The following WDR41 variants were observed in gnomAD, a reference collection of about 807,000 sequenced individuals.
The protein encoded by WDR41 is WD repeat-containing protein 41.
WDR41 carries 63 observed loss-of-function variants against 69.3 expected under a neutral mutation model. The ratio of observed to expected loss-of-function variants is 0.91; its 90% CI spans 0.74 to 1.12. The LOEUF is 1.12. Among genes scored for constraint, WDR41 ranks in the 50% most tolerant of loss-of-function variants. WDR41 has a pLI of 0.00. For synonymous variants in WDR41, 185 were observed against 192.1 expected (o/e 0.96, Z 0.31); for missense variants, 543 against 534.5 (o/e 1.02, Z -0.16).
intron 1 of WDR41, among the ~76,000 whole-genome samples, chr5:77,527,567 C>T (rs1402919296): frequency 6.6e-6 from 1 of 151,796 alleles, no homozygotes; most frequent in Non-Finnish European, 1.5e-5. Context: ...AATACACAGA[C>T]TATACAATTT....
intron 1 of WDR41, among the ~76,000 whole-genome samples, chr5:77,604,233 A>T (rs1180780100): frequency 6.6e-6 from 1 of 152,156 alleles, no homozygotes; most frequent in Non-Finnish European, 1.5e-5. Flanking sequence ...ACTTGTTTAT[A>T]TCCTCATCCA....
chr5:77,497,780 C>T (rs1057498359), intron 1 of WDR41, among the ~76,000 whole-genome samples: 3 of 152,130 alleles, frequency 2.0e-5, no homozygotes, highest in African/African-American at 7.2e-5. Flanking sequence ...AAGGACTCAA[C>T]AGATATTTGG....
At chr5:77,512,520 G>A (rs1291373829) in intron 1 of WDR41, among the ~76,000 whole-genome samples, 1 of 151,318 alleles carries the variant, frequency 6.6e-6, no homozygotes, top group East Asian at 2.0e-4. Context: ...GGGAGGCCGA[G>A]GCAGGCGGAT....
chr5:77,517,282 C>G (rs12518782), intron 1 of WDR41, among the ~76,000 whole-genome samples: 48,838 of 151,828 alleles, frequency 0.32, 8,207 homozygotes, highest in African/African-American at 0.39. Flanking sequence ...AAATAACCTA[C>G]AGATATAATT....
intron 1 of WDR41, among the ~76,000 whole-genome samples, chr5:77,601,068 T>C (rs1744316640): frequency 6.6e-6 from 1 of 151,932 alleles, no homozygotes; most frequent in African/African-American, 2.4e-5. Flanking sequence ...ACTAGAGTTC[T>C]GGAAGTTCAT....
chr5:77,608,719 G>A (rs149519438), intron 1 of WDR41, among the ~76,000 whole-genome samples: 2,033 of 152,346 alleles, frequency 0.013, 39 homozygotes, highest in African/African-American at 0.047. Context: ...AGCTCCCAGC[G>A]TGAGTGACGC....
chr5:77,454,040 T>A (rs1056542047), intron 5 of WDR41, 112 bp from the exon 6 acceptor site: 1 of 752,502 alleles, frequency 1.3e-6, no homozygotes, highest in South Asian at 1.7e-5. Flanking sequence ...TAGGTGGAGC[T>A]TATTTCTCCT....
At chr5:77,490,078 G>A (rs1304824105) in intron 1 of WDR41, among the ~76,000 whole-genome samples, 2 of 151,210 alleles carry the variant, frequency 1.3e-5, no homozygotes, top group Non-Finnish European at 2.9e-5. Flanking sequence ...CAAACTTGAT[G>A]CTGACATTTT....
At chr5:77,586,991 T>C (rs1428147180) in intron 1 of WDR41, among the ~76,000 whole-genome samples, 1 of 152,098 alleles carries the variant, frequency 6.6e-6, no homozygotes, top group African/African-American at 2.4e-5. Flanking sequence ...GTGCTGGGAT[T>C]ACAGGCGTGA....
chr5:77,577,544 C>T (rs1215858238), intron 1 of WDR41, among the ~76,000 whole-genome samples: 1 of 151,928 alleles, frequency 6.6e-6, no homozygotes, highest in African/African-American at 2.4e-5. Flanking sequence ...AGAAATTCAT[C>T]TAAATACTTC....
rs753996694 is a variant in WDR41, at chr5:77,453,833, G to A, written c.507C>T (p.Ser169=). The stretch of plus-strand genomic sequence containing the variant: ...GTTTTTTACCTGTATCAGAAAGGTG[G>A]CTAGTCTTACACAGGAGATCTAATT... ...NRKLDLLCKT[S]HLSDTGISAL... The change falls in exon 6 of 13, where the codon AGC becomes AGT. Residue 169 remains serine (S), a synonymous_variant. Coordinates refer to ENST00000296679, the MANE Select transcript of WDR41 (RefSeq NM_018268.4). 2 of 1,613,672 alleles carry A rather than the reference G, an allele frequency of 1.2e-6. No individual in the cohort carries two copies. Among genetic ancestry groups the A allele is most frequent in the Non-Finnish European group, 1.7e-6 (2 of 1,179,694 alleles).
intron 1 of WDR41, among the ~76,000 whole-genome samples, chr5:77,564,782 C>T (rs541325030): frequency 6.6e-6 from 1 of 152,240 alleles, no homozygotes; most frequent in South Asian, 2.1e-4. Context: ...AGCTTCCACC[C>T]ACCTGCAGAA....
At chr5:77,437,501 C>A in intron 10 of WDR41, 77 bp from the exon 11 acceptor site, 1 of 1,237,042 alleles carries the variant, frequency 8.1e-7, no homozygotes, top group South Asian at 1.2e-5. Context: ...TGAAAGAAAT[C>A]AGTGGAGCCC....
intron 1 of WDR41, among the ~76,000 whole-genome samples, chr5:77,547,085 A>C (rs1743212819): frequency 6.6e-6 from 1 of 152,144 alleles, no homozygotes; most frequent in African/African-American, 2.4e-5. Context: ...TTTATGATTA[A>C]AACTCTCAGC....
At chr5:77,535,674 G>A (rs184455101) in intron 1 of WDR41, among the ~76,000 whole-genome samples, 1 of 152,106 alleles carries the variant, frequency 6.6e-6, no homozygotes, top group African/African-American at 2.4e-5. Flanking sequence ...CATTTATCCT[G>A]GACTCACAAA....
At chr5:77,535,134 A>C (rs1301518243) in intron 1 of WDR41, among the ~76,000 whole-genome samples, 1 of 151,992 alleles carries the variant, frequency 6.6e-6, no homozygotes, top group Admixed American at 6.5e-5. Context: ...TATCTTGCTG[A>C]GTTCCTCTTA....
At chr5:77,523,107 AG>A (rs1802394790) in intron 1 of WDR41, among the ~76,000 whole-genome samples, 1 of 152,122 alleles carries the variant, frequency 6.6e-6, no homozygotes, top group South Asian at 2.1e-4. Flanking sequence ...TGAGGTCAGG[AG>A]TTTGAGACCA....
intron 12 of WDR41, among the ~76,000 whole-genome samples, chr5:77,434,228 T>C (rs1467476986): frequency 1.3e-5 from 2 of 152,056 alleles, no homozygotes; most frequent in East Asian, 3.9e-4. Context: ...AGAGAATCGC[T>C]TGAACCCAGG....
chr5:77,552,134 AC>A (rs1743312466), intron 1 of WDR41, among the ~76,000 whole-genome samples: 1 of 151,120 alleles, frequency 6.6e-6, no homozygotes, highest in Non-Finnish European at 1.5e-5. Flanking sequence ...GACAAGAAAG[AC>A]CATAGAAAAG....
Sources: gnomAD v4.1 joint callset for allele counts (sites outside exome capture counted in the v4.1 genomes callset) on GRCh38, gnomAD v4.1.1 for gene constraint, MANE v1.5 for transcripts, NCBI Gene and HGNC (gene_info 2026-07-23, HGNC 2026-07-21) for gene names.